CAB39: variants seen among roughly 807,000 people sequenced by gnomAD.
CAB39 encodes calcium binding protein 39.
A neutral mutation model predicts 40.0 loss-of-function variants in CAB39; 8 were observed. The observed-to-expected ratio is 0.20, with a 90% CI of 0.12 to 0.36. The LOEUF is 0.36. Among genes scored for constraint, CAB39 ranks in the 10% least tolerant of loss-of-function variants. The pLI is 1.00. For missense variants in CAB39, 270 were observed against 401.1 expected, an observed-to-expected ratio of 0.67 and a Z score of 2.79; for synonymous variants, 156 against 141.6, an observed-to-expected ratio of 1.10 and a Z score of -0.72.
rs192108263 is a variant in CAB39 at position 230,740,108 on chromosome 2, G to A, written c.-43-19851G>A. Among the ~76,000 whole-genome samples, 5 of 152,290 alleles carry A rather than the reference G, an allele frequency of 3.3e-5. No individual in the cohort carries two copies. The East Asian group carries it at 9.6e-4, about 29-fold the overall frequency. ...TTGTTTTCTTTTTATGAATATGTGTGCATCATGGGTCATGAGGTCAAAGTA... is the reference window on the plus strand; with the variant it reads ...TTGTTTTCTTTTTATGAATATGTGTACATCATGGGTCATGAGGTCAAAGTA... On this transcript the variant is annotated intron_variant, in intron 1 of 8. Transcript: ENST00000258418.
At chr2:230,714,563 GC>G (rs1694315569) in intron 1 of CAB39, among the ~76,000 whole-genome samples, 1 of 152,302 alleles carries the variant, frequency 6.6e-6, no homozygotes, top group African/African-American at 2.4e-5. Flanking sequence ...TTTGTATTAG[GC>G]GTATGTACTT....
At chr2:230,782,832 T>TTTTG (rs1695715524) in intron 2 of CAB39, among the ~76,000 whole-genome samples, 1 of 145,118 alleles carries the variant, frequency 6.9e-6, no homozygotes, top group African/African-American at 2.6e-5. Flanking sequence ...TTTTTTTTTT[T>TTTTG]GAGAAGAAGG....
At chr2:230,739,121 C>T (rs145121181) in intron 1 of CAB39, among the ~76,000 whole-genome samples, 5 of 152,142 alleles carry the variant, frequency 3.3e-5, no homozygotes, top group South Asian at 2.1e-4. Context: ...TCTTATTTAC[C>T]GAAATGTGGG....
At chr2:230,781,368 T>C (rs1266999302) in intron 2 of CAB39, among the ~76,000 whole-genome samples, 1 of 152,196 alleles carries the variant, frequency 6.6e-6, no homozygotes, top group Non-Finnish European at 1.5e-5. Flanking sequence ...TTTAAAGGAT[T>C]GTTTCTGAGC....
intron 2 of CAB39, among the ~76,000 whole-genome samples, chr2:230,769,460 A>C (rs540212934): frequency 2.0e-5 from 3 of 152,178 alleles, no homozygotes; most frequent in African/African-American, 7.2e-5. Flanking sequence ...ACACCTACAC[A>C]TTCTTTTGAA....
In CAB39 at chr2:230,817,964, A is replaced by G. The variant is rs959348469; in HGVS notation, c.837+67A>G. On this transcript the variant is annotated intron_variant, in intron 8 of 8. Transcript: ENST00000258418. ...GTTCGTCGTCTTTCATTCGCAAATA[A>G]CGGAAATTATTAGCCTCACTCTGGT... 2.9e-5 allele frequency: 41 copies of G among 1,422,906 alleles called. No individual in the cohort carries two copies. The Middle Eastern group carries it at 7.0e-4, about 24-fold the overall frequency. The allele number at this position is 1,422,906 out of a possible 1,614,324, so 88.1% of individuals were successfully genotyped here. A position where few individuals can be genotyped will look rare whatever the true frequency, so the allele number is the denominator to read the frequency against.
At chr2:230,786,471 G>A (rs1230551533) in intron 2 of CAB39, among the ~76,000 whole-genome samples, 2 of 152,110 alleles carry the variant, frequency 1.3e-5, no homozygotes, top group African/African-American at 2.4e-5. Context: ...ACAAATATGT[G>A]TAACCATAAC....
Position 230,818,725 on chromosome 2 carries a change from T to C in CAB39, c.*21T>C. On this transcript the variant is annotated 3_prime_UTR_variant, in exon 9 of 9. Coordinates refer to ENST00000258418, the MANE Select transcript of CAB39 (RefSeq NM_016289.4). The stretch of plus-strand genomic sequence containing the variant: ...CTTAATCTCCAATAAACATCTATGT[T>C]AAATCCAAATTCAGCATTTGCTGTT... 1.3e-6 allele frequency: 2 copies of C among 1,590,800 alleles called. No individual in the cohort carries two copies. Among genetic ancestry groups the C allele is most frequent in the East Asian group, 4.5e-5 (2 of 44,608 alleles).
chr2:230,812,303 T>C (rs1696319550), intron 6 of CAB39, among the ~76,000 whole-genome samples: 1 of 152,176 alleles, frequency 6.6e-6, no homozygotes. Flanking sequence ...AATAAAATGC[T>C]CAACTCCGAT....
At chr2:230,792,001 A>C (rs1695900300) in intron 3 of CAB39, among the ~76,000 whole-genome samples, 1 of 152,194 alleles carries the variant, frequency 6.6e-6, no homozygotes, top group Non-Finnish European at 1.5e-5. Context: ...AAAGACAGGT[A>C]CATGTTCCAG....
intron 2 of CAB39, among the ~76,000 whole-genome samples, chr2:230,771,491 A>AC (rs1695482475): frequency 6.6e-6 from 1 of 152,204 alleles, no homozygotes; most frequent in Non-Finnish European, 1.5e-5. Context: ...AGCCCAAATA[A>AC]GCAGGAGATA....
At chr2:230,732,142 C>T (rs539299742) in intron 1 of CAB39, among the ~76,000 whole-genome samples, 3 of 151,840 alleles carry the variant, frequency 2.0e-5, no homozygotes, top group African/African-American at 7.2e-5. Context: ...AGGGCAGTGG[C>T]GCTATCTTGG....
At chr2:230,811,697 G>T (rs1696309116) in intron 6 of CAB39, among the ~76,000 whole-genome samples, 1 of 152,232 alleles carries the variant, frequency 6.6e-6, no homozygotes, top group Non-Finnish European at 1.5e-5. Flanking sequence ...TCATCATGAG[G>T]ATTAGATAAG....
At chr2:230,734,357 G>T (rs1694747748) in intron 1 of CAB39, among the ~76,000 whole-genome samples, 1 of 152,052 alleles carries the variant, frequency 6.6e-6, no homozygotes, top group Non-Finnish European at 1.5e-5. Context: ...ATGTATCATG[G>T]AACTTCAGCC....
rs1184899815 is a variant in CAB39, at chr2:230,820,668, G to A, written c.*1964G>A. 6.6e-6 allele frequency: 1 copy of A among 152,668 alleles called. No homozygotes were observed. The highest frequency in any genetic ancestry group is 2.4e-5 in the African/African-American group (1 of 41,462). The allele number at this position is 152,668 out of a possible 1,614,324, so 9.5% of individuals were successfully genotyped here. A position where few individuals can be genotyped will look rare whatever the true frequency, so the allele number is the denominator to read the frequency against. Reference sequence around the variant, plus strand: ...GAACAGCTTCCACTTTGGCAGTGAGGTCGTAGCCTTTTAGGTGGAAGAAGT... The same window carrying A: ...GAACAGCTTCCACTTTGGCAGTGAGATCGTAGCCTTTTAGGTGGAAGAAGT... On this transcript the variant is annotated 3_prime_UTR_variant, in exon 9 of 9. Coordinates refer to ENST00000258418, the MANE Select transcript of CAB39 (RefSeq NM_016289.4).
At chr2:230,775,740 G>A (rs1443973015) in intron 2 of CAB39, among the ~76,000 whole-genome samples, 7 of 152,050 alleles carry the variant, frequency 4.6e-5, no homozygotes, top group Non-Finnish European at 8.8e-5. Context: ...GTCTTTACTT[G>A]CATCATTATC....
At chr2:230,745,180 A>G (rs906022657) in intron 1 of CAB39, among the ~76,000 whole-genome samples, 12 of 152,246 alleles carry the variant, frequency 7.9e-5, no homozygotes, top group Admixed American at 2.6e-4. Context: ...ATTATTTAAT[A>G]CTTTAGATTA....
chr2:230,781,958 A>G (rs1222824296), intron 2 of CAB39, among the ~76,000 whole-genome samples: 1 of 152,162 alleles, frequency 6.6e-6, no homozygotes, highest in Non-Finnish European at 1.5e-5. Flanking sequence ...TCTGTCTCCA[A>G]GGTTCAAGAT....
Position 230,784,550 on chromosome 2 carries a change from A to G in CAB39, c.115-6322A>G, listed in dbSNP as rs78105338. On this transcript the variant is annotated intron_variant, in intron 2 of 8. Coordinates refer to ENST00000258418, the MANE Select transcript of CAB39 (RefSeq NM_016289.4). The stretch of plus-strand genomic sequence containing the variant: ...GTGTTTAAATGGCCTAGCCAAGGTG[A>G]ATGAGGCAAAAAGGAGACAGAGAAG... 2.3e-3 allele frequency among the ~76,000 whole-genome samples: 357 copies of G among 152,264 alleles called. 3 individuals carry two copies. Among genetic ancestry groups the G allele is most frequent in the African/African-American group, 8.0e-3 (331 of 41,540 alleles).
Sources: allele counts gnomAD v4.1 joint callset (sites outside exome capture counted in the v4.1 genomes callset), GRCh38; gene constraint gnomAD v4.1.1; transcripts MANE v1.5; gene names NCBI Gene and HGNC (gene_info 2026-07-23, HGNC 2026-07-21).